The following CSRP2 variants were observed in gnomAD, a reference collection of about 807,000 sequenced individuals.
The protein encoded by CSRP2 is cysteine and glycine-rich protein 2.
A neutral mutation model predicts 24.6 loss-of-function variants in CSRP2; 18 were observed. The observed-to-expected ratio is 0.73, with a 90% CI of 0.51 to 1.09. The LOEUF is 1.09. CSRP2 is among the 50% of genes least tolerant of loss of function. The pLI is 0.00. For missense variants in CSRP2, 215 were observed against 239.4 expected (o/e 0.90, Z 0.67); for synonymous variants, 87 against 84.3 (o/e 1.03, Z -0.18).
intron 1 of CSRP2, among the ~76,000 whole-genome samples, 159 bp downstream of exon 1, chr12:76,878,779 G>T (rs2137843551): frequency 1.3e-5 from 2 of 152,350 alleles, no homozygotes; most frequent in South Asian, 4.1e-4. Flanking sequence ...GGATGAGAAG[G>T]CTGGCAGGGG....
intron 1 of CSRP2, among the ~76,000 whole-genome samples, chr12:76,875,279 C>G (rs1347712977): frequency 1.3e-5 from 2 of 152,160 alleles, no homozygotes; most frequent in Non-Finnish European, 2.9e-5. Flanking sequence ...AATCTAACCC[C>G]ACTGAAGGAA....
chr12:76,862,940 C>G, intron 3 of CSRP2: 1 of 1,503,712 alleles, frequency 6.7e-7, no homozygotes. Context: ...GAACACGACT[C>G]CTTGATACAG....
At chr12:76,872,802 CTTCT>C (rs944829948) in intron 1 of CSRP2, among the ~76,000 whole-genome samples, 6 of 152,166 alleles carry the variant, frequency 3.9e-5, no homozygotes, top group Admixed American at 1.3e-4. Context: ...GAGCTTCTTC[CTTCT>C]GTCTTCTCCC....
intron 1 of CSRP2, chr12:76,878,215 G>C (rs1953871406): frequency 6.6e-6 from 1 of 152,210 alleles, no homozygotes; most frequent in Non-Finnish European, 1.5e-5. Flanking sequence ...GTGATTCGCA[G>C]GACCTGTCGC....
At chr12:76,871,785 GA>G (rs1953803235) in intron 1 of CSRP2, among the ~76,000 whole-genome samples, 2 of 148,020 alleles carry the variant, frequency 1.4e-5, no homozygotes, top group Non-Finnish European at 3.0e-5. Flanking sequence ...AAAAAGAAAA[GA>G]AACGAAGTTC....
intron 1 of CSRP2, 151 bp from the exon 2 acceptor site, chr12:76,866,412 C>A (rs1953736312): frequency 1.7e-6 from 1 of 583,936 alleles, no homozygotes; most frequent in Non-Finnish European, 3.1e-6. Context: ...TCCAAAATAA[C>A]CTCATCTCCT....
chr12:76,868,180 C>T (rs980295851), intron 1 of CSRP2, among the ~76,000 whole-genome samples: 2 of 152,130 alleles, frequency 1.3e-5, no homozygotes, highest in African/African-American at 4.8e-5. Flanking sequence ...AACTTTTATG[C>T]CACAAAAACT....
In CSRP2 at chr12:76,865,442, T is replaced by A. The variant is rs868432621; in HGVS notation, c.112+707A>T. On this transcript the variant is annotated intron_variant, in intron 2 of 5. Coordinates refer to ENST00000311083, the MANE Select transcript of CSRP2 (RefSeq NM_001321.3). Reference sequence around the variant, plus strand: ...GGTTGTCTGCAAAGCAGTTTAGTTATGCTATTAAAGAGGTCCAGATACCTT... The same window carrying A: ...GGTTGTCTGCAAAGCAGTTTAGTTAAGCTATTAAAGAGGTCCAGATACCTT... Among the ~76,000 whole-genome samples the A allele has an allele frequency of 2.6e-5, 4 of 152,338 alleles. No individual in the cohort carries two copies. In the South Asian group the frequency reaches 8.3e-4, roughly 32 times the overall value.
chr12:76,875,134 C>G (rs965059499), intron 1 of CSRP2, among the ~76,000 whole-genome samples: 3 of 152,144 alleles, frequency 2.0e-5, no homozygotes, highest in Admixed American at 6.5e-5. Context: ...CTTGAGTTAC[C>G]AAATTACACA....
chr12:76,865,351 C>T (rs1953724368), intron 2 of CSRP2, among the ~76,000 whole-genome samples: 1 of 152,188 alleles, frequency 6.6e-6, no homozygotes, highest in African/African-American at 2.4e-5. Context: ...GGAAGGCATA[C>T]ATAGTGAACA....
At chr12:76,871,138 C>T (rs546455496) in intron 1 of CSRP2, among the ~76,000 whole-genome samples, 12 of 152,154 alleles carry the variant, frequency 7.9e-5, no homozygotes, top group South Asian at 2.1e-4. Flanking sequence ...ATAATAGCTG[C>T]GCAACCTTGG....
rs774911902 is a variant in CSRP2 at position 76,863,259 on chromosome 12, A to G, written c.198T>C (p.Tyr66=). 20 of 1,614,230 alleles carry G rather than the reference A, an allele frequency of 1.2e-5. No individual in the cohort carries two copies. Among genetic ancestry groups the G allele is most frequent in the East Asian group, 6.7e-5 (3 of 44,886 alleles). The change falls in exon 3 of 6, where the codon TAT becomes TAC. Residue 66 remains tyrosine (Y), a synonymous_variant. Transcript: ENST00000311083. ...IYCKSCYGKK[Y]GPKGYGYGQG... is the part of the protein sequence containing the mutation. ...GGCCATAACCGTAGCCTTTTGGCCCATACTTCTTTCCGTAGCAGGATTTGC... is the reference window on the plus strand; with the variant it reads ...GGCCATAACCGTAGCCTTTTGGCCCGTACTTCTTTCCGTAGCAGGATTTGC...
chr12:76,865,857 A>G (rs1592509751), intron 2 of CSRP2: 1 of 383,396 alleles, frequency 2.6e-6, no homozygotes, highest in Non-Finnish European at 4.7e-6. Flanking sequence ...GCCAGACCAC[A>G]TAAGTGACAC....
Position 76,863,343 on chromosome 12 carries a change from C to G in CSRP2, c.114G>C (p.Met38Ile). The G allele has an allele frequency of 6.2e-7, 1 of 1,613,838 alleles. No individual in the cohort carries two copies. The highest frequency in any genetic ancestry group is 8.5e-7 in the Non-Finnish European group (1 of 1,179,902). The change falls in exon 3 of 6, where the codon ATG becomes ATC. Residue 38 changes from methionine (M) to isoleucine (I), a missense_variant and splice_region_variant. Coordinates refer to ENST00000311083, the MANE Select transcript of CSRP2 (RefSeq NM_001321.3). ...TGCTATCTAAATTTTTCCTGCAAACCACTGCAGGGGAAAAAGTTAGACTTT... is the reference window on the plus strand; with the variant it reads ...TGCTATCTAAATTTTTCCTGCAAACGACTGCAGGGGAAAAAGTTAGACTTT... ...RSFHRCCFLCMVCRKNLDSTT... is the reference protein window; with the variant it reads ...RSFHRCCFLCIVCRKNLDSTT...
rs752723566 is a variant in CSRP2 at position 76,866,213 on chromosome 12, G to A, written c.48C>T (p.Thr16=). Residue 16 remains threonine, a synonymous_variant, in exon 2 of 6, where the codon ACC becomes ACT. Transcript: ENST00000311083. The stretch of plus-strand genomic sequence containing the variant: ...ACTGCACCTCTTCTGCGTGGTACAC[G>A]GTCCTCCCACAGGCCCCACACTTGT... ...GGNKCGACGR[T]VYHAEEVQCD... is the part of the protein sequence containing the mutation. 1.8e-5 allele frequency: 29 copies of A among 1,614,130 alleles called. No homozygotes were observed. Among genetic ancestry groups the A allele is most frequent in the Middle Eastern group, 1.6e-4 (1 of 6,062 alleles).
chr12:76,873,738 C>G (rs1953825603), intron 1 of CSRP2, among the ~76,000 whole-genome samples: 1 of 152,174 alleles, frequency 6.6e-6, no homozygotes, highest in South Asian at 2.1e-4. Flanking sequence ...TAGCAATGTT[C>G]TAACCTTTGT....
At chr12:76,877,563 T>G (rs1953863940) in intron 1 of CSRP2, among the ~76,000 whole-genome samples, 1 of 152,138 alleles carries the variant, frequency 6.6e-6, no homozygotes, top group Admixed American at 6.5e-5. Context: ...CAAAGACTCA[T>G]GTGATGCAGG....
intron 3 of CSRP2, 159 bp downstream of exon 3, chr12:76,863,017 A>G: frequency 2.8e-6 from 4 of 1,438,008 alleles, no homozygotes; most frequent in Non-Finnish European, 3.6e-6. Context: ...GTTAGGTCCA[A>G]AACTCAATAT....
At chr12:76,862,849 A>T in intron 3 of CSRP2, 1 of 1,527,046 alleles carries the variant, frequency 6.5e-7, no homozygotes, top group South Asian at 1.2e-5. Context: ...CACACAGCAC[A>T]TTTCTCTACC....
Sources: allele counts gnomAD v4.1 joint callset (sites outside exome capture counted in the v4.1 genomes callset), GRCh38; gene constraint gnomAD v4.1.1; transcripts MANE v1.5; gene names NCBI Gene and HGNC (gene_info 2026-07-23, HGNC 2026-07-21).